Variants in ADGRB3 observed in about 807,000 individuals in gnomAD.
The protein encoded by ADGRB3 is brain-specific angiogenesis inhibitor 3.
A neutral mutation model predicts 193.4 loss-of-function variants in ADGRB3; 37 were observed. The ratio of observed to expected loss-of-function variants is 0.19; its 90% CI spans 0.15 to 0.25. The LOEUF is 0.25. Ranked by LOEUF, ADGRB3 falls within the 10% of genes least tolerant of loss-of-function variation. The pLI is 1.00. For missense variants in ADGRB3, 1,637 were observed against 1,852.9 expected (o/e 0.88, Z 2.14); for synonymous variants, 690 against 644.2 (o/e 1.07, Z -1.08).
chr6:68,706,365 G>A (rs985890862), intron 3 of ADGRB3, among the ~76,000 whole-genome samples: 1 of 152,156 alleles, frequency 6.6e-6, no homozygotes, highest in Admixed American at 6.5e-5. Context: ...ATGGTGATGT[G>A]ATTAAAGCAG....
chr6:68,677,804 G>A (rs755666151), intron 3 of ADGRB3, among the ~76,000 whole-genome samples: 11 of 151,916 alleles, frequency 7.2e-5, no homozygotes, highest in Non-Finnish European at 1.2e-4. Flanking sequence ...AGGGAGTTTC[G>A]CCATTTTGGC....
intron 3 of ADGRB3, among the ~76,000 whole-genome samples, chr6:68,800,783 G>A (rs1018481311): frequency 3.9e-5 from 6 of 152,044 alleles, no homozygotes; most frequent in South Asian, 4.1e-4. Flanking sequence ...GATGCATACC[G>A]ATGAAATTGT....
At chr6:69,031,529 C>CTTTG (rs1466447278) in intron 13 of ADGRB3, among the ~76,000 whole-genome samples, 1 of 52,440 alleles carries the variant, frequency 1.9e-5, no homozygotes, top group African/African-American at 4.8e-5. Flanking sequence ...CTCTTTCTTT[C>CTTTG]TTTCTTTCTT....
chr6:69,383,023 C>A, intron 31 of ADGRB3, 88 bp downstream of exon 31: 1 of 831,112 alleles, frequency 1.2e-6, no homozygotes, highest in Non-Finnish European at 1.8e-6. Context: ...ATGGTGGGAA[C>A]ATAAGATGAG....
In ADGRB3 at chr6:68,987,981, A is replaced by T. The variant is rs569187297; in HGVS notation, c.1735-5787A>T. On this transcript the variant is annotated intron_variant, in intron 10 of 31. Coordinates refer to ENST00000370598, the MANE Select transcript of ADGRB3 (RefSeq NM_001704.3). ...CAGGAAGTGTAAAAGTTCTCCAATT[A>T]TTACATATTTCTTTGTTTTGAATAA... Among the ~76,000 whole-genome samples the T allele has an allele frequency of 1.8e-4, 27 of 152,300 alleles. No individual in the cohort carries two copies. In the East Asian group the frequency reaches 5.2e-3, roughly 29 times the overall value.
chr6:68,691,923 A>T (rs986986063), intron 3 of ADGRB3, among the ~76,000 whole-genome samples: 15 of 151,648 alleles, frequency 9.9e-5, no homozygotes, highest in Admixed American at 9.9e-4. Context: ...TTGCTTAATA[A>T]ATTTCAAATA....
intron 13 of ADGRB3, among the ~76,000 whole-genome samples, chr6:69,045,390 A>T (rs1326192408): frequency 2.0e-5 from 3 of 152,156 alleles, no homozygotes; most frequent in Non-Finnish European, 4.4e-5. Flanking sequence ...ATGTATATTG[A>T]TAATTTCACA....
intron 3 of ADGRB3, among the ~76,000 whole-genome samples, chr6:68,703,154 A>G (rs117484554): frequency 0.011 from 1,635 of 152,294 alleles, 14 homozygotes; most frequent in South Asian, 0.019. Flanking sequence ...TGTTTACTGT[A>G]AAATAACTTC....
At position 69,112,306 on chromosome 6, in the gene ADGRB3, T is replaced by A. The variant is rs181443123; in HGVS notation, c.2480+36268T>A. ...AGCAGAAAAAGGAAAGGAAAATAAG[T>A]GGAGGATAAACAGTTTCTTTTAGGA... On this transcript the variant is annotated intron_variant, in intron 17 of 31. Coordinates refer to ENST00000370598, the MANE Select transcript of ADGRB3 (RefSeq NM_001704.3). 4.6e-5 allele frequency among the ~76,000 whole-genome samples: 7 copies of A among 152,288 alleles called. No homozygotes were observed. In the East Asian group the frequency reaches 1.4e-3, roughly 29 times the overall value.
chr6:69,310,835 A>G (rs1219211135), intron 20 of ADGRB3, among the ~76,000 whole-genome samples: 1 of 151,676 alleles, frequency 6.6e-6, no homozygotes, highest in Non-Finnish European at 1.5e-5. Context: ...GTTTTTCTGG[A>G]CTGAGCTATT....
intron 17 of ADGRB3, among the ~76,000 whole-genome samples, chr6:69,185,077 T>C (rs1765040745): frequency 6.6e-6 from 1 of 152,126 alleles, no homozygotes; most frequent in Non-Finnish European, 1.5e-5. Context: ...TTCTATAATT[T>C]CTAAACTAGG....
intron 3 of ADGRB3, among the ~76,000 whole-genome samples, chr6:68,761,201 C>T (rs1562018935): frequency 6.6e-6 from 1 of 152,176 alleles, no homozygotes; most frequent in Non-Finnish European, 1.5e-5. Context: ...GAACTCCCCA[C>T]CTCCAAGTCT....
At chr6:68,816,272 A>G (rs1003109032) in intron 3 of ADGRB3, among the ~76,000 whole-genome samples, 11 of 152,066 alleles carry the variant, frequency 7.2e-5, no homozygotes, top group Admixed American at 3.3e-4. Flanking sequence ...TGCTTATTGG[A>G]ATAAAAATTA....
intron 29 of ADGRB3, among the ~76,000 whole-genome samples, chr6:69,369,340 G>A (rs1769656803): frequency 6.6e-6 from 1 of 152,076 alleles, no homozygotes; most frequent in African/African-American, 2.4e-5. Flanking sequence ...GACCAAAACT[G>A]AACAGAATTG....
intron 17 of ADGRB3, among the ~76,000 whole-genome samples, chr6:69,207,759 A>C (rs1448874701): frequency 1.3e-5 from 2 of 152,194 alleles, no homozygotes; most frequent in Non-Finnish European, 2.9e-5. Context: ...AGTGAATTCC[A>C]TGAGCGTGAG....
At chr6:69,297,388 CTCTATCTCTCTCTCTCTCTCTCTATA>C (rs1767849864) in intron 20 of ADGRB3, among the ~76,000 whole-genome samples, 1 of 129,726 alleles carries the variant, frequency 7.7e-6, no homozygotes, top group Non-Finnish European at 1.6e-5. Context: ...CTCTCTCTCT[CTCTATCTCTCTCTCTCTCTCTCTATA>C]TATATATATA....
At chr6:69,090,109 C>T (rs977973389) in intron 17 of ADGRB3, among the ~76,000 whole-genome samples, 1 of 152,118 alleles carries the variant, frequency 6.6e-6, no homozygotes, top group South Asian at 2.1e-4. Context: ...ATTCAAGTAG[C>T]CTTCTCTGCT....
chr6:68,789,253 T>A (rs372400207), intron 3 of ADGRB3, among the ~76,000 whole-genome samples: 2 of 152,198 alleles, frequency 1.3e-5, no homozygotes, highest in African/African-American at 2.4e-5. Context: ...CTAGCCTTGA[T>A]GGTCTTTACA....
chr6:68,865,084 G>C (rs1315090416), intron 3 of ADGRB3, among the ~76,000 whole-genome samples: 1 of 152,044 alleles, frequency 6.6e-6, no homozygotes, highest in Non-Finnish European at 1.5e-5. Flanking sequence ...TCTGGTTCTA[G>C]CTTCCTCTTG....
Sources: allele counts gnomAD v4.1 joint callset (sites outside exome capture counted in the v4.1 genomes callset), GRCh38; gene constraint gnomAD v4.1.1; transcripts MANE v1.5; gene names NCBI Gene and HGNC (gene_info 2026-07-23, HGNC 2026-07-21).